The following GNAZ variants were observed in gnomAD, a reference collection of about 807,000 sequenced individuals.
GNAZ encodes the protein G protein subunit alpha z, also known as guanine nucleotide-binding protein G(z) subunit alpha.
GNAZ carries 3 observed loss-of-function variants against 25.4 expected under a neutral mutation model. The observed-to-expected ratio is 0.12, with a 90% CI of 0.05 to 0.30. The LOEUF (loss-of-function observed/expected upper bound fraction) is 0.30, where lower values mean the gene tolerates loss of function less well. Among genes scored for constraint, GNAZ ranks in the 10% least tolerant of loss-of-function variants. GNAZ has a pLI of 1.00. For missense variants in GNAZ, 241 were observed against 501.8 expected (o/e 0.48, Z 4.97); for synonymous variants, 211 against 205.7 (o/e 1.03, Z -0.22).
chr22:23,088,943 C>G (rs923972208), intron 1 of GNAZ, among the ~76,000 whole-genome samples: 1 of 152,250 alleles, frequency 6.6e-6, no homozygotes, highest in African/African-American at 2.4e-5. Flanking sequence ...GCCTCTCCCC[C>G]AGTCACAGTC....
At chr22:23,116,139 C>T (rs893005482) in intron 2 of GNAZ, among the ~76,000 whole-genome samples, 2 of 152,384 alleles carry the variant, frequency 1.3e-5, no homozygotes, top group East Asian at 3.9e-4. Flanking sequence ...GTAAGCCTTG[C>T]TTCGTGAAGC....
chr22:23,095,735 C>T lies in GNAZ; in HGVS notation c.40C>T (p.Arg14Trp). The change falls in exon 2 of 3, where the codon CGG (arginine) becomes TGG (tryptophan). Residue 14 changes from arginine (R) to tryptophan (W), a missense_variant. Physicochemically the swap from Arg to Trp is moderately radical, Grantham distance 101. Transcript: ENST00000615612. Reference protein sequence around the residue: ...RQSSEEKEAARRSRRIDRHLR... With the variant: ...RQSSEEKEAAWRSRRIDRHLR... ...AAGCTCAGAGGAAAAAGAAGCAGCC[C>T]GGCGGTCCCGGAGAATTGACCGCCA... 4 of 1,611,900 alleles carry T rather than the reference C, an allele frequency of 2.5e-6. No homozygotes were observed. The highest frequency in any genetic ancestry group is 2.2e-5 in the East Asian group (1 of 44,880).
At chr22:23,097,043 C>T (rs1249781700) in intron 2 of GNAZ, among the ~76,000 whole-genome samples, 1 of 152,070 alleles carries the variant, frequency 6.6e-6, no homozygotes, top group East Asian at 1.9e-4. Context: ...GTCTAGCACA[C>T]GAAGGGGGCC....
intron 1 of GNAZ, among the ~76,000 whole-genome samples, chr22:23,080,685 A>C (rs758490207): frequency 2.0e-5 from 3 of 152,250 alleles, no homozygotes; most frequent in African/African-American, 4.8e-5. Flanking sequence ...AGAGCCCACA[A>C]ACACGGAGTC....
At chr22:23,072,579 C>T (rs1042473462) in intron 1 of GNAZ, among the ~76,000 whole-genome samples, 8 of 152,204 alleles carry the variant, frequency 5.3e-5, no homozygotes, top group Admixed American at 5.2e-4. Flanking sequence ...TGTAGTGTGC[C>T]TACCCTCCCC....
At chr22:23,106,240 A>G (rs1479850143) in intron 2 of GNAZ, among the ~76,000 whole-genome samples, 3 of 152,246 alleles carry the variant, frequency 2.0e-5, no homozygotes, top group African/African-American at 4.8e-5. Context: ...TGGTGAGAGC[A>G]AAAAAGCAAA....
intron 2 of GNAZ, among the ~76,000 whole-genome samples, chr22:23,113,851 G>C (rs1167924967): frequency 6.6e-6 from 1 of 152,244 alleles, no homozygotes; most frequent in Non-Finnish European, 1.5e-5. Context: ...CTGGGAAATG[G>C]AGATGGGCAG....
intron 1 of GNAZ, among the ~76,000 whole-genome samples, chr22:23,091,308 A>C (rs1248224020): frequency 6.6e-6 from 1 of 152,232 alleles, no homozygotes; most frequent in African/African-American, 2.4e-5. Flanking sequence ...GGACCTATGC[A>C]TACACGCACA....
chr22:23,097,183 G>A (rs1046219027), intron 2 of GNAZ, among the ~76,000 whole-genome samples: 6 of 152,210 alleles, frequency 3.9e-5, no homozygotes, highest in Non-Finnish European at 8.8e-5. Context: ...GGATGGGGGA[G>A]TGGGGGCAAA....
chr22:23,085,596 G>A (rs2068795338), intron 1 of GNAZ, among the ~76,000 whole-genome samples: 1 of 152,180 alleles, frequency 6.6e-6, no homozygotes, highest in Non-Finnish European at 1.5e-5. Context: ...TGAGATAAGA[G>A]ATGGGCTCCA....
At chr22:23,091,731 A>C (rs1483960862) in intron 1 of GNAZ, among the ~76,000 whole-genome samples, 2 of 152,210 alleles carry the variant, frequency 1.3e-5, no homozygotes, top group African/African-American at 4.8e-5. Flanking sequence ...GGCACCACAT[A>C]CTGCCACAAA....
rs1020791007 is a variant in GNAZ at position 23,123,857 on chromosome 22, C to CCAGCT, written c.*428_*432dup. 1.8e-5 allele frequency: 4 copies of CCAGCT among 222,434 alleles called. No homozygotes were observed. The highest frequency in any genetic ancestry group is 3.6e-5 in the Non-Finnish European group (4 of 111,112). 13.8% of individuals were successfully genotyped at this position (222,434 alleles called of 1,614,324 possible). A position where few individuals can be genotyped will look rare whatever the true frequency, so the allele number is the denominator to read the frequency against. Reference sequence around the variant, plus strand: ...TGCACCCCTGTCGCCTGGAGGAGGGCCAGCTCGCTGCCCGAGCTCTGGCCT... The same window carrying CCAGCT: ...TGCACCCCTGTCGCCTGGAGGAGGGCCAGCTCAGCTCGCTGCCCGAGCTCTGGCCT... On this transcript the variant is annotated 3_prime_UTR_variant, in exon 3 of 3. Coordinates refer to ENST00000615612, the MANE Select transcript of GNAZ (RefSeq NM_002073.4).
At chr22:23,114,470 C>T (rs547845302) in intron 2 of GNAZ, among the ~76,000 whole-genome samples, 8 of 152,312 alleles carry the variant, frequency 5.3e-5, no homozygotes, top group South Asian at 4.1e-4. Context: ...GCCTTCCCTT[C>T]CCCTCAGCCC....
At chr22:23,076,287 C>T (rs1010798886) in intron 1 of GNAZ, among the ~76,000 whole-genome samples, 25 of 152,218 alleles carry the variant, frequency 1.6e-4, no homozygotes, top group African/African-American at 6.0e-4. Flanking sequence ...GTGTAAGCTC[C>T]ATGAGGGCAG....
intron 2 of GNAZ, among the ~76,000 whole-genome samples, chr22:23,118,642 TC>T (rs1360487359): frequency 2.0e-5 from 3 of 152,076 alleles, no homozygotes; most frequent in Admixed American, 6.5e-5. Context: ...TGAGGAGCCC[TC>T]CCCCTTGCCA....
At chr22:23,110,899 C>T (rs1177401810) in intron 2 of GNAZ, among the ~76,000 whole-genome samples, 3 of 152,218 alleles carry the variant, frequency 2.0e-5, no homozygotes, top group Non-Finnish European at 4.4e-5. Context: ...GCCTCCCTGC[C>T]CACCATCTTT....
At chr22:23,116,288 T>G (rs1392027689) in intron 2 of GNAZ, among the ~76,000 whole-genome samples, 1 of 152,118 alleles carries the variant, frequency 6.6e-6, no homozygotes, top group Non-Finnish European at 1.5e-5. Context: ...GAGGTGGAGC[T>G]GCGGGTGCAG....
chr22:23,117,474 G>A (rs558098814), intron 2 of GNAZ, among the ~76,000 whole-genome samples: 5 of 152,308 alleles, frequency 3.3e-5, no homozygotes, highest in South Asian at 2.1e-4. Flanking sequence ...CACTCCGTCC[G>A]GCTGAGCTGG....
chr22:23,090,940 G>C (rs773603929), intron 1 of GNAZ, among the ~76,000 whole-genome samples: 1 of 152,190 alleles, frequency 6.6e-6, no homozygotes, highest in Non-Finnish European at 1.5e-5. Flanking sequence ...GGTTTAGCAA[G>C]TAAGTGTGGG....
Sources: gnomAD v4.1 joint callset for allele counts (sites outside exome capture counted in the v4.1 genomes callset) on GRCh38, gnomAD v4.1.1 for gene constraint, MANE v1.5 for transcripts, NCBI Gene and HGNC (gene_info 2026-07-23, HGNC 2026-07-21) for gene names.